Variants in PIGU observed in about 807,000 individuals in gnomAD.
PIGU encodes GPI-anchor transamidase component PIGU.
Under a neutral mutation model 49.9 loss-of-function variants are expected in PIGU, and 24 were observed. The observed-to-expected ratio is 0.48, with a 90% CI of 0.35 to 0.68. The LOEUF (loss-of-function observed/expected upper bound fraction) is 0.68, where lower values mean the gene tolerates loss of function less well. Among genes scored for constraint, PIGU ranks in the 30% least tolerant of loss-of-function variants. The probability of loss-of-function intolerance (pLI) is 0.01; values close to 1 mark genes in which losing one functional copy is unlikely to be tolerated. For missense variants in PIGU, 490 were observed against 532.6 expected (o/e 0.92, Z 0.79); for synonymous variants, 220 against 205.7 (o/e 1.07, Z -0.59).
At chr20:34,667,802 A>AT (rs1332706738) in intron 1 of PIGU, among the ~76,000 whole-genome samples, 1 of 152,216 alleles carries the variant, frequency 6.6e-6, no homozygotes, top group Non-Finnish European at 1.5e-5. Context: ...TAAAAACAGG[A>AT]TATTTGCAGA....
At chr20:34,622,531 C>A (rs1031423621) in intron 6 of PIGU, among the ~76,000 whole-genome samples, 127 of 150,964 alleles carry the variant, frequency 8.4e-4, no homozygotes, top group African/African-American at 3.0e-3. Flanking sequence ...AAAACAAAAA[C>A]AAAAAAAAAG....
intron 7 of PIGU, among the ~76,000 whole-genome samples, chr20:34,615,397 T>C (rs945892964): frequency 6.6e-6 from 1 of 152,168 alleles, no homozygotes. Context: ...TAAAGAAAAG[T>C]TAAAGAAATG....
At chr20:34,653,018 G>A (rs966647648) in intron 2 of PIGU, among the ~76,000 whole-genome samples, 1 of 151,514 alleles carries the variant, frequency 6.6e-6, no homozygotes, top group Non-Finnish European at 1.5e-5. Context: ...TGTCGCCCAG[G>A]TTGGAGTGCA....
intron 1 of PIGU, among the ~76,000 whole-genome samples, chr20:34,669,030 G>A (rs1316370011): frequency 6.6e-6 from 1 of 151,718 alleles, no homozygotes; most frequent in Non-Finnish European, 1.5e-5. Flanking sequence ...GACCACAGGT[G>A]TGCGCCACCA....
intron 7 of PIGU, among the ~76,000 whole-genome samples, chr20:34,611,780 CAT>C (rs754503689): frequency 6.6e-6 from 1 of 151,534 alleles, no homozygotes; most frequent in Non-Finnish European, 1.5e-5. Flanking sequence ...CATCACTGGT[CAT>C]TAGAGACATG....
intron 8 of PIGU, 46 bp downstream of exon 8, chr20:34,588,407 C>T (rs1309632224): frequency 6.4e-7 from 1 of 1,564,444 alleles, no homozygotes; most frequent in Admixed American, 1.8e-5. Context: ...CAAGGGTTCC[C>T]TTTTCCCCAC....
rs1225101915 is a variant in PIGU at position 34,585,541 on chromosome 20, G to GA, written c.821dup (p.Trp275LeufsTer9). 6.2e-7 allele frequency: 1 copy of GA among 1,613,710 alleles called. No individual in the cohort carries two copies. The highest frequency in any genetic ancestry group is 1.3e-5 in the African/African-American group (1 of 74,930). Reference sequence around the variant, plus strand: ...CAAACATCTCTGCAAAGAAGTACCAGAAAAGACCAATGTTTGGAGTGAGAT... The same window carrying GA: ...CAAACATCTCTGCAAAGAAGTACCAGAAAAAGACCAATGTTTGGAGTGAGAT... On this transcript the variant is annotated frameshift_variant, in exon 9 of 12. Transcript: ENST00000217446. LOFTEE classifies it high-confidence loss of function.
chr20:34,625,380 A>AG (rs1005221747), intron 6 of PIGU, among the ~76,000 whole-genome samples: 1 of 151,710 alleles, frequency 6.6e-6, no homozygotes, highest in African/African-American at 2.4e-5. Flanking sequence ...AAAAAAAAAA[A>AG]AACAAAAAAA....
chr20:34,622,556 GTC>G (rs1442865095), intron 6 of PIGU, among the ~76,000 whole-genome samples: 2 of 151,974 alleles, frequency 1.3e-5, no homozygotes, highest in Non-Finnish European at 2.9e-5. Context: ...AATCCAAAAA[GTC>G]TCAGCAAGCA....
intron 2 of PIGU, among the ~76,000 whole-genome samples, chr20:34,655,236 G>C (rs537597269): frequency 8.3e-6 from 1 of 120,856 alleles, no homozygotes; most frequent in South Asian, 2.4e-4. Context: ...CTTGAGCCCA[G>C]GAGGTTGAGG....
chr20:34,662,810 G>A (rs1600670299), intron 1 of PIGU, among the ~76,000 whole-genome samples: 1 of 152,152 alleles, frequency 6.6e-6, no homozygotes, highest in South Asian at 2.1e-4. Context: ...CCATTTCTAG[G>A]TGATAAGATT....
intron 6 of PIGU, among the ~76,000 whole-genome samples, chr20:34,631,785 ATTTTTTTTT>A (rs1166878990): frequency 1.6e-3 from 10 of 6,438 alleles, no homozygotes; most frequent in African/African-American, 0.013. Context: ...ATATATATAT[ATTTTTTTTT>A]TTTTTTTTTT....
intron 7 of PIGU, among the ~76,000 whole-genome samples, chr20:34,601,022 G>A (rs761248605): frequency 1.4e-5 from 2 of 146,004 alleles, no homozygotes; most frequent in African/African-American, 2.5e-5. Context: ...CAAAAAGAAC[G>A]AAACTCTGTC....
intron 1 of PIGU, among the ~76,000 whole-genome samples, chr20:34,665,290 G>A (rs988686827): frequency 1.5e-5 from 2 of 131,194 alleles, no homozygotes; most frequent in Non-Finnish European, 3.1e-5. Flanking sequence ...TGCAAGCTCC[G>A]CCTCCCGGGT....
chr20:34,603,941 A>G (rs1429016731), intron 7 of PIGU, among the ~76,000 whole-genome samples: 1 of 152,024 alleles, frequency 6.6e-6, no homozygotes, highest in Non-Finnish European at 1.5e-5. Flanking sequence ...GGTGAGAGAA[A>G]TGAAACAGGG....
Position 34,619,375 on chromosome 20 carries a change from GC to G in PIGU, c.530-3237del, listed in dbSNP as rs74973582. On this transcript the variant is annotated intron_variant, in intron 6 of 11. Transcript: ENST00000217446. ...AAAGGTGCTGTTCTGGAGCCCAACA[GC>G]TAGGGTGGGCTAGGGATTGATTCTT... is the stretch of plus-strand genomic sequence containing the variant. 2.3e-3 allele frequency among the ~76,000 whole-genome samples: 345 copies of G among 152,340 alleles called. 9 individuals carry two copies. The East Asian group carries it at 0.062, about 27-fold the overall frequency.
intron 1 of PIGU, among the ~76,000 whole-genome samples, chr20:34,671,446 A>G (rs1265263215): frequency 6.6e-6 from 1 of 151,880 alleles, no homozygotes; most frequent in Admixed American, 6.6e-5. Context: ...TTTTTTTAGT[A>G]GAGACAGGGT....
chr20:34,561,327 C>T (rs1176407120), intron 11 of PIGU, among the ~76,000 whole-genome samples: 1 of 152,184 alleles, frequency 6.6e-6, no homozygotes, highest in Non-Finnish European at 1.5e-5. Flanking sequence ...AAACTCCTCA[C>T]CTTCCCTCTG....
chr20:34,581,732 G>C, intron 9 of PIGU, 60 bp from the exon 10 acceptor site: 1 of 1,569,934 alleles, frequency 6.4e-7, no homozygotes, highest in Non-Finnish European at 8.7e-7. Flanking sequence ...CTACCCTAGA[G>C]ACTCCTGACT....
Sources: allele counts gnomAD v4.1 joint callset (sites outside exome capture counted in the v4.1 genomes callset), GRCh38; gene constraint gnomAD v4.1.1; transcripts MANE v1.5; gene names NCBI Gene and HGNC (gene_info 2026-07-23, HGNC 2026-07-21).